USP25: variants seen among roughly 807,000 people sequenced by gnomAD.
The protein encoded by USP25 is ubiquitin carboxyl-terminal hydrolase 25.
In USP25, 85 loss-of-function variants were observed where a neutral mutation model predicts 158.5. The ratio of observed to expected loss-of-function variants is 0.54; its 90% confidence interval spans 0.45 to 0.64. The LOEUF is 0.64. Among genes scored for constraint, USP25 ranks in the 30% least tolerant of loss-of-function variants. USP25 has a pLI of 0.00. For synonymous variants in USP25, 464 were observed against 460.4 expected (o/e 1.01, Z -0.10); for missense variants, 1,242 against 1,327.3 (o/e 0.94, Z 1.00).
intron 16 of USP25, among the ~76,000 whole-genome samples, chr21:15,832,451 G>A (rs1347925738): frequency 6.6e-6 from 1 of 152,164 alleles, no homozygotes; most frequent in African/African-American, 2.4e-5. Flanking sequence ...AAAAAATGAA[G>A]TTATTTTTCT....
chr21:15,761,171 A>C (rs1206655541), intron 1 of USP25, among the ~76,000 whole-genome samples: 3 of 152,160 alleles, frequency 2.0e-5, no homozygotes, highest in Non-Finnish European at 4.4e-5. Flanking sequence ...TATCTCACAG[A>C]TTATAGAGTG....
intron 1 of USP25, among the ~76,000 whole-genome samples, chr21:15,757,698 A>C (rs529280386): frequency 2.6e-5 from 4 of 152,184 alleles, no homozygotes; most frequent in African/African-American, 7.2e-5. Context: ...CAGAAGTTCA[A>C]CTGGGCTAGC....
rs182079947 is a variant in USP25 at position 15,867,017 on chromosome 21, A to G, written c.2805+673A>G. ...GGGAAGTTAATTCATTTTAGTCCCT[A>G]TATGCCATATATGTTTGTCATGAGA... is the stretch of plus-strand genomic sequence containing the variant. On this transcript the variant is annotated intron_variant, in intron 22 of 25. Transcript: ENST00000400183. Among the ~76,000 whole-genome samples, 272 of 152,234 alleles carry G rather than the reference A, an allele frequency of 1.8e-3. 1 individual carries two copies. The highest frequency in any genetic ancestry group is 6.1e-3 in the African/African-American group (255 of 41,570).
chr21:15,839,021 A>G (rs912891799), intron 17 of USP25, among the ~76,000 whole-genome samples: 14 of 152,198 alleles, frequency 9.2e-5, no homozygotes, highest in African/African-American at 3.1e-4. Flanking sequence ...TGTGGAGGCC[A>G]GTCATTTGAA....
chr21:15,853,888 C>T (rs191572906), intron 20 of USP25, among the ~76,000 whole-genome samples: 15 of 152,048 alleles, frequency 9.9e-5, no homozygotes, highest in African/African-American at 2.7e-4. Context: ...CGCCTTCTTG[C>T]GGGGTAGATC....
intron 1 of USP25, among the ~76,000 whole-genome samples, chr21:15,758,060 C>T (rs1385978445): frequency 6.6e-6 from 1 of 152,188 alleles, no homozygotes; most frequent in African/African-American, 2.4e-5. Context: ...AGTTGATCTG[C>T]ATCAAAATCA....
At chr21:15,780,409 A>T (rs1033963380) in intron 4 of USP25, among the ~76,000 whole-genome samples, 1 of 152,216 alleles carries the variant, frequency 6.6e-6, no homozygotes, top group Non-Finnish European at 1.5e-5. Flanking sequence ...CACTGCCAGG[A>T]CACAAGTGGA....
At chr21:15,873,563 G>A (rs1394235727) in intron 23 of USP25, among the ~76,000 whole-genome samples, 2 of 151,454 alleles carry the variant, frequency 1.3e-5, no homozygotes, top group East Asian at 3.9e-4. Context: ...GTGCAGTGGC[G>A]TGATCTCAGC....
chr21:15,850,248 C>A (rs1443740148), intron 20 of USP25, among the ~76,000 whole-genome samples: 2 of 152,002 alleles, frequency 1.3e-5, no homozygotes, highest in East Asian at 3.9e-4. Context: ...TATTATTGGT[C>A]AATATCATAA....
chr21:15,842,490 A>T lies in USP25; in HGVS notation c.2287A>T (p.Lys763Ter). 6.2e-7 allele frequency: 1 copy of T among 1,613,796 alleles called. No individual in the cohort carries two copies. The highest frequency in any genetic ancestry group is 8.5e-7 in the Non-Finnish European group (1 of 1,179,770). The change falls in exon 18 of 26, where the codon AAG becomes TAG. Residue 763 changes from lysine to a stop codon, truncating the protein, a stop_gained. Transcript: ENST00000400183. LOFTEE classifies it high-confidence loss of function. ...AGAAGAAACTATTCAAATAATTACCAAGGCATCACATGAGCATGAAGATAA... is the reference window on the plus strand; with the variant it reads ...AGAAGAAACTATTCAAATAATTACCTAGGCATCACATGAGCATGAAGATAA... ...LKEETIQIIT[K>*]ASHEHEDKSP... is the part of the protein sequence containing the mutation.
intron 3 of USP25, among the ~76,000 whole-genome samples, chr21:15,768,630 T>TA (rs1312251611): frequency 2.0e-5 from 3 of 152,084 alleles, no homozygotes; most frequent in African/African-American, 7.2e-5. Flanking sequence ...GGCCTCTATT[T>TA]AAAAAAATCT....
intron 4 of USP25, among the ~76,000 whole-genome samples, chr21:15,788,043 T>TTACTA (rs2035391123): frequency 6.6e-6 from 1 of 151,966 alleles, no homozygotes; most frequent in Non-Finnish European, 1.5e-5. Context: ...TTTATATTGC[T>TTACTA]TACTACCAAG....
At position 15,826,265 on chromosome 21, in the gene USP25, T is replaced by C. The variant is rs745740372; in HGVS notation, c.1366T>C (p.Leu456=). 61 of 1,614,112 alleles carry C rather than the reference T, an allele frequency of 3.8e-5. No individual in the cohort carries two copies. The highest frequency in any genetic ancestry group is 5.2e-5 in the Non-Finnish European group (61 of 1,179,968). Residue 456 remains leucine, a synonymous_variant, in exon 13 of 26, where the codon TTG becomes CTG. Coordinates refer to ENST00000400183, the MANE Select transcript of USP25 (RefSeq NM_001283041.3). This position sits in a 1 kb window ranked among gnomAD's most constrained non-coding sequence, Gnocchi z 4.8. ...CTTGGTAGATGTTCTTCAGTATGCATTGGAATTTGCCTCAAGTAAACCTGT... is the reference window on the plus strand; with the variant it reads ...CTTGGTAGATGTTCTTCAGTATGCACTGGAATTTGCCTCAAGTAAACCTGT... The part of the protein sequence containing the change: ...FPLVDVLQYA[L]EFASSKPVCT...
chr21:15,780,606 C>T (rs567330926), intron 4 of USP25, among the ~76,000 whole-genome samples: 1 of 152,186 alleles, frequency 6.6e-6, no homozygotes, highest in Non-Finnish European at 1.5e-5. Flanking sequence ...AAGTAGTAGA[C>T]TACAGATTCT....
At chr21:15,798,885 CA>C (rs1338579198) in intron 5 of USP25, among the ~76,000 whole-genome samples, 1 of 151,170 alleles carries the variant, frequency 6.6e-6, no homozygotes, top group Admixed American at 6.6e-5. Flanking sequence ...TACCTTCTGT[CA>C]AGTTGGCTGA....
intron 1 of USP25, among the ~76,000 whole-genome samples, chr21:15,736,162 A>G (rs141745023): frequency 6.2e-4 from 94 of 151,946 alleles, no homozygotes; most frequent in African/African-American, 2.1e-3. Context: ...CAATGGTGCA[A>G]TCTCAGCTCA....
At chr21:15,851,500 C>G (rs565157135) in intron 20 of USP25, among the ~76,000 whole-genome samples, 2 of 142,180 alleles carry the variant, frequency 1.4e-5, no homozygotes, top group African/African-American at 6.1e-5. Context: ...CTCCTATCCC[C>G]CATACACACA....
chr21:15,876,712 A>G (rs2040111530), intron 24 of USP25: 1 of 152,202 alleles, frequency 6.6e-6, no homozygotes, highest in Non-Finnish European at 1.5e-5. Context: ...ACAATTCAAG[A>G]TAAGATTTGG....
chr21:15,860,424 G>A (rs1022275332), intron 20 of USP25, among the ~76,000 whole-genome samples: 11 of 152,086 alleles, frequency 7.2e-5, no homozygotes, highest in Non-Finnish European at 1.5e-4. Context: ...CAAAGTGCTG[G>A]GATTACAGGT....
Sources: allele counts gnomAD v4.1 joint callset (sites outside exome capture counted in the v4.1 genomes callset), GRCh38; gene constraint gnomAD v4.1.1; non-coding constraint Gnocchi (gnomAD v3.1); transcripts MANE v1.5; gene names NCBI Gene and HGNC (gene_info 2026-07-23, HGNC 2026-07-21).